Variants in RPH3A observed in about 807,000 individuals in gnomAD.
RPH3A encodes rabphilin 3A, also known as rabphilin-3A.
In RPH3A, 48 loss-of-function variants were observed where a neutral mutation model predicts 102.2. That is an observed-to-expected ratio of 0.47 (90% CI 0.37 to 0.60). RPH3A has a LOEUF of 0.60. RPH3A is among the 20% of genes least tolerant of loss of function. RPH3A has a pLI of 0.00. For missense variants in RPH3A, 781 were observed against 910.1 expected (o/e 0.86, Z 1.83); for synonymous variants, 310 against 324.3 (o/e 0.96, Z 0.47).
At chr12:112,589,967 CA>C (rs1379658864) in intron 1 of RPH3A, among the ~76,000 whole-genome samples, 2 of 151,878 alleles carry the variant, frequency 1.3e-5, no homozygotes, top group Admixed American at 6.6e-5. Context: ...CCTGTAATCC[CA>C]GCTACTTGGG....
chr12:112,731,156 C>A (rs11066395), intron 1 of RPH3A, among the ~76,000 whole-genome samples: 92,229 of 151,706 alleles, frequency 0.61, 28,318 homozygotes, highest in East Asian at 0.78. Flanking sequence ...ACAGGTGGGA[C>A]GTTCTAAGTT....
Position 112,627,043 on chromosome 12 carries a change from A to C in RPH3A, c.-140+51724A>C, listed in dbSNP as rs1298221622. On this transcript the variant is annotated intron_variant, in intron 1 of 21. Transcript: ENST00000543106. ...ATGGACACAGGAAGGGGAATATCAC[A>C]CTCTGGGGACTGTGGTGGGGTGGGG... Among the ~76,000 whole-genome samples the C allele has an allele frequency of 4.4e-5, 5 of 113,198 alleles. No individual in the cohort carries two copies. The South Asian group carries it at 1.4e-3, about 32-fold the overall frequency. 74.3% of individuals were successfully genotyped at this position (113,198 alleles called of 152,430 possible).
chr12:112,892,414 G>T (rs1162882872), intron 19 of RPH3A, among the ~76,000 whole-genome samples: 1 of 152,192 alleles, frequency 6.6e-6, no homozygotes, highest in Non-Finnish European at 1.5e-5. Flanking sequence ...AGAGAAGGAA[G>T]GAAGTTTGGG....
intron 1 of RPH3A, among the ~76,000 whole-genome samples, chr12:112,783,097 C>T (rs1345752267): frequency 6.6e-6 from 1 of 152,198 alleles, no homozygotes. Flanking sequence ...GCACTTGTCA[C>T]TGCCTTCCCT....
intron 1 of RPH3A, among the ~76,000 whole-genome samples, chr12:112,696,649 G>T (rs1242423706): frequency 6.6e-6 from 1 of 152,186 alleles, no homozygotes; most frequent in East Asian, 1.9e-4. Context: ...AGAATGAAGG[G>T]CTCAGATAGG....
At position 112,698,791 on chromosome 12, in the gene RPH3A, C is replaced by T. The variant is rs114238529; in HGVS notation, c.-139-93352C>T. Among the ~76,000 whole-genome samples the T allele has an allele frequency of 1.4e-3, 219 of 152,294 alleles. 2 individuals carry two copies. Among genetic ancestry groups the T allele is most frequent in the African/African-American group, 4.9e-3 (205 of 41,568 alleles). ...GGAATGGTGTAGCCACTGCAGAAAA[C>T]GGTAGGATAGTTTTCCCCTCCTTCT... On this transcript the variant is annotated intron_variant, in intron 1 of 21. Transcript: ENST00000543106.
At chr12:112,631,376 T>C (rs886258688) in intron 1 of RPH3A, among the ~76,000 whole-genome samples, 1 of 152,156 alleles carries the variant, frequency 6.6e-6, no homozygotes, top group Non-Finnish European at 1.5e-5. Flanking sequence ...GAAGAAGGAA[T>C]GGATGCCCTC....
chr12:112,895,914 C>T, intron 21 of RPH3A, 41 bp downstream of exon 21: 5 of 1,369,568 alleles, frequency 3.7e-6, no homozygotes, highest in Non-Finnish European at 5.2e-6. Context: ...CTCTTCTGTC[C>T]TCCCCAGAAC....
At chr12:112,867,910 C>G (rs1405818776) in intron 7 of RPH3A, among the ~76,000 whole-genome samples, 2 of 152,214 alleles carry the variant, frequency 1.3e-5, no homozygotes, top group Admixed American at 1.3e-4. Flanking sequence ...CCATACTGGT[C>G]AGCCTCCTGG....
At chr12:112,772,124 AC>A (rs1236315631) in intron 1 of RPH3A, among the ~76,000 whole-genome samples, 1 of 152,170 alleles carries the variant, frequency 6.6e-6, no homozygotes. Context: ...GCCCTCTCTT[AC>A]TTGCCCTTCC....
chr12:112,593,107 T>C (rs764847635), intron 1 of RPH3A, among the ~76,000 whole-genome samples: 1 of 152,142 alleles, frequency 6.6e-6, no homozygotes, highest in Non-Finnish European at 1.5e-5. Context: ...CCCTTATGAA[T>C]GGGATTAGTG....
chr12:112,831,882 T>C, intron 3 of RPH3A: 1 of 455,072 alleles, frequency 2.2e-6, no homozygotes, highest in East Asian at 6.9e-5. Flanking sequence ...TGTTCTGTAG[T>C]ATGATGTGCT....
chr12:112,849,364 C>T (rs80318151), intron 5 of RPH3A, among the ~76,000 whole-genome samples: 9,328 of 151,546 alleles, frequency 0.062, 414 homozygotes, highest in Non-Finnish European at 0.097. Flanking sequence ...TTTTGCTTTG[C>T]TTTTTAAAAG....
intron 1 of RPH3A, among the ~76,000 whole-genome samples, chr12:112,675,630 G>C (rs1205930704): frequency 6.6e-6 from 1 of 152,166 alleles, no homozygotes; most frequent in Non-Finnish European, 1.5e-5. Context: ...TCCAAAGAGG[G>C]CAAAAGTTTG....
chr12:112,628,996 C>G (rs1041173549), intron 1 of RPH3A, among the ~76,000 whole-genome samples: 2 of 152,082 alleles, frequency 1.3e-5, no homozygotes, highest in Non-Finnish European at 2.9e-5. Context: ...GGGAGAGAAC[C>G]ATTTGCCCCA....
intron 1 of RPH3A, among the ~76,000 whole-genome samples, chr12:112,581,016 A>C (rs921080888): frequency 1.3e-5 from 2 of 152,346 alleles, no homozygotes; most frequent in African/African-American, 4.8e-5. Context: ...GTGCTCTAAT[A>C]GACAAGAACT....
At chr12:112,576,273 C>T (rs1244239228) in intron 1 of RPH3A, among the ~76,000 whole-genome samples, 3 of 152,194 alleles carry the variant, frequency 2.0e-5, no homozygotes, top group Non-Finnish European at 2.9e-5. Context: ...TGGGGGTCGC[C>T]AGGAGCGCTG....
intron 2 of RPH3A, 38 bp from the exon 3 acceptor site, chr12:112,828,263 T>A (rs568296323): frequency 7.1e-7 from 1 of 1,414,218 alleles, no homozygotes; most frequent in African/African-American, 1.4e-5. Flanking sequence ...AGTGGCTGAA[T>A]GATGGGGTGA....
intron 2 of RPH3A, among the ~76,000 whole-genome samples, chr12:112,793,340 G>A (rs1026671290): frequency 6.6e-6 from 1 of 152,154 alleles, no homozygotes; most frequent in Non-Finnish European, 1.5e-5. Context: ...TATTATCTCA[G>A]GGGCCACCTC....
Sources: gnomAD v4.1 joint callset for allele counts (sites outside exome capture counted in the v4.1 genomes callset) on GRCh38, gnomAD v4.1.1 for gene constraint, MANE v1.5 for transcripts, NCBI Gene and HGNC (gene_info 2026-07-23, HGNC 2026-07-21) for gene names.